Variants in RNF24 observed in about 807,000 individuals in gnomAD.
RNF24 encodes ring finger protein 24.
RNF24 carries 14 observed loss-of-function variants against 20.0 expected under a neutral mutation model. The ratio of observed to expected loss-of-function variants is 0.70; its 90% confidence interval spans 0.46 to 1.10. RNF24 has a LOEUF of 1.10. Ranked by LOEUF, RNF24 falls within the 50% of genes least tolerant of loss-of-function variation. The probability of loss-of-function intolerance (pLI) is 0.00; values close to 1 mark genes in which losing one functional copy is unlikely to be tolerated. For synonymous variants in RNF24, 45 were observed against 61.1 expected (o/e 0.74, Z 1.23); for missense variants, 124 against 177.6 (o/e 0.70, Z 1.71).
intron 1 of RNF24, among the ~76,000 whole-genome samples, chr20:3,998,449 C>T (rs1483678307): frequency 6.6e-6 from 1 of 151,942 alleles, no homozygotes. Context: ...GTGGGACATG[C>T]CCGTAGTCCC....
At chr20:3,984,694 G>A (rs1326154472) in intron 1 of RNF24, among the ~76,000 whole-genome samples, 3 of 152,114 alleles carry the variant, frequency 2.0e-5, no homozygotes, top group Non-Finnish European at 4.4e-5. Flanking sequence ...CTGGTGTTCC[G>A]TAAACATTTT....
chr20:3,951,964 T>C (rs2091086637), intron 2 of RNF24, among the ~76,000 whole-genome samples: 1 of 152,210 alleles, frequency 6.6e-6, no homozygotes, highest in Non-Finnish European at 1.5e-5. Flanking sequence ...CCCTAATTCC[T>C]TTTATTGGAG....
At chr20:4,009,251 C>T (rs1982231258) in intron 1 of RNF24, among the ~76,000 whole-genome samples, 1 of 152,056 alleles carries the variant, frequency 6.6e-6, no homozygotes, top group African/African-American at 2.4e-5. Flanking sequence ...AGAGACTTAA[C>T]CATGTAGGTA....
intron 1 of RNF24, among the ~76,000 whole-genome samples, chr20:4,008,524 A>G (rs1230611852): frequency 3.4e-5 from 4 of 119,346 alleles, no homozygotes; most frequent in African/African-American, 6.4e-5. Flanking sequence ...TATATTATAT[A>G]TATATTATTT....
intron 4 of RNF24, among the ~76,000 whole-genome samples, chr20:3,938,445 G>A (rs1280398464): frequency 6.6e-6 from 1 of 152,162 alleles, no homozygotes; most frequent in African/African-American, 2.4e-5. Flanking sequence ...AGCCTAAGCA[G>A]AAACACAACC....
At chr20:3,972,941 G>A (rs1004791559) in intron 1 of RNF24, among the ~76,000 whole-genome samples, 2 of 151,444 alleles carry the variant, frequency 1.3e-5, no homozygotes, top group African/African-American at 2.4e-5. Flanking sequence ...GATGGCTCAC[G>A]CCTGTAATCT....
At chr20:3,958,294 C>A (rs1482873896) in intron 2 of RNF24, among the ~76,000 whole-genome samples, 1 of 152,168 alleles carries the variant, frequency 6.6e-6, no homozygotes, top group African/African-American at 2.4e-5. Context: ...TATGCATACA[C>A]ATACCAAAAT....
At chr20:3,943,372 C>T (rs1381002839) in intron 4 of RNF24, among the ~76,000 whole-genome samples, 4 of 149,956 alleles carry the variant, frequency 2.7e-5, no homozygotes, top group African/African-American at 7.4e-5. Context: ...AGGAACCAGA[C>T]TAGCTAAAAC....
chr20:3,971,150 T>C lies in RNF24; in HGVS notation c.-7-7126A>G, dbSNP rs370084675. ...TTGAAAGCAACTAAGGAGATACCAT[T>C]GGGGGAAATAATATGAAAGACACAG... On this transcript the variant is annotated intron_variant, in intron 1 of 5. Transcript: ENST00000358395. Among the ~76,000 whole-genome samples the C allele has an allele frequency of 1.2e-4, 19 of 152,142 alleles. 1 individual carries two copies. The East Asian group carries it at 1.3e-3, about 11-fold the overall frequency.
intron 1 of RNF24, among the ~76,000 whole-genome samples, chr20:3,969,865 G>A (rs2091296894): frequency 6.6e-6 from 1 of 150,794 alleles, no homozygotes; most frequent in Non-Finnish European, 1.5e-5. Flanking sequence ...CCGCCTTCCA[G>A]GTTCAAGCGA....
chr20:3,982,365 CAGG>C (rs1293568278), intron 1 of RNF24, among the ~76,000 whole-genome samples: 1 of 151,272 alleles, frequency 6.6e-6, no homozygotes. Flanking sequence ...ATCATGAGGT[CAGG>C]AGTTCGAAAG....
intron 1 of RNF24, among the ~76,000 whole-genome samples, chr20:4,004,781 C>T (rs1298747354): frequency 2.6e-5 from 4 of 152,190 alleles, no homozygotes; most frequent in Non-Finnish European, 5.9e-5. Context: ...GAACAACTTT[C>T]TGTTGTTTAA....
chr20:4,001,142 C>T (rs1981354599), intron 1 of RNF24, among the ~76,000 whole-genome samples: 1 of 152,116 alleles, frequency 6.6e-6, no homozygotes, highest in South Asian at 2.1e-4. Context: ...TGGCGTGCAC[C>T]TGTAGTCCCA....
chr20:3,954,547 C>T (rs2091119875), intron 2 of RNF24, among the ~76,000 whole-genome samples: 1 of 152,150 alleles, frequency 6.6e-6, no homozygotes, highest in Non-Finnish European at 1.5e-5. Flanking sequence ...TCTGTGTGGA[C>T]ATATATTTTC....
chr20:3,935,170 G>A (rs1174487580), intron 4 of RNF24, 97 bp from the exon 5 acceptor site: 5 of 851,506 alleles, frequency 5.9e-6, no homozygotes, highest in East Asian at 2.5e-5. Flanking sequence ...CCGTTTGAAG[G>A]GACTCATGAG....
At chr20:3,981,054 T>C (rs944200195) in intron 1 of RNF24, among the ~76,000 whole-genome samples, 1 of 151,962 alleles carries the variant, frequency 6.6e-6, no homozygotes, top group Non-Finnish European at 1.5e-5. Context: ...GAATCGCCAT[T>C]TGTCACCATT....
chr20:3,958,930 C>T (rs1412478415), intron 2 of RNF24, among the ~76,000 whole-genome samples: 2 of 152,248 alleles, frequency 1.3e-5, no homozygotes, highest in African/African-American at 4.8e-5. Context: ...GCGTAAGCCA[C>T]CATTCCCAGC....
At chr20:3,936,640 T>C (rs938535000) in intron 4 of RNF24, among the ~76,000 whole-genome samples, 1 of 152,210 alleles carries the variant, frequency 6.6e-6, no homozygotes, top group African/African-American at 2.4e-5. Context: ...GATGCTCCCA[T>C]CTCCTAGACT....
intron 1 of RNF24, among the ~76,000 whole-genome samples, chr20:3,966,156 A>C (rs2091255636): frequency 7.3e-6 from 1 of 136,342 alleles, no homozygotes; most frequent in Non-Finnish European, 1.6e-5. Flanking sequence ...AAAAAAAAAA[A>C]AAAGAAGAAA....
Sources: allele counts gnomAD v4.1 joint callset (sites outside exome capture counted in the v4.1 genomes callset), GRCh38; gene constraint gnomAD v4.1.1; transcripts MANE v1.5; gene names NCBI Gene and HGNC (gene_info 2026-07-23, HGNC 2026-07-21).